The following DCHS2 variants were observed in gnomAD, a reference collection of about 807,000 sequenced individuals.
DCHS2 encodes the protein dachsous cadherin-related 2, also known as protocadherin-23.
DCHS2 carries 142 observed loss-of-function variants against 182.4 expected under a neutral mutation model. That is an observed-to-expected ratio of 0.78 (90% confidence interval 0.68 to 0.89). The LOEUF (loss-of-function observed/expected upper bound fraction) is 0.89, where lower values mean the gene tolerates loss of function less well. Among genes scored for constraint, DCHS2 ranks in the 40% least tolerant of loss-of-function variants. The pLI is 0.00. For synonymous variants in DCHS2, 1,740 were observed against 1,663.3 expected (o/e 1.05, Z -1.12); for missense variants, 4,319 against 4,198.6 (o/e 1.03, Z -0.79).
At chr4:154,305,022 T>C in intron 11 of DCHS2, 75 bp downstream of exon 11, 25 of 1,507,638 alleles carry the variant, frequency 1.7e-5, no homozygotes, top group Non-Finnish European at 2.2e-5. Flanking sequence ...AAATATAACA[T>C]TTCACCACTT....
intron 1 of DCHS2, among the ~76,000 whole-genome samples, chr4:154,474,105 T>C (rs1407223326): frequency 6.6e-6 from 1 of 152,190 alleles, no homozygotes; most frequent in African/African-American, 2.4e-5. Context: ...TCTTGCTTTA[T>C]GGCAGTGTAA....
rs1422693185 is a variant in DCHS2, at chr4:154,491,074, C to T, written c.282G>A (p.Gln94=). 1 of 1,551,302 alleles carries T rather than the reference C, an allele frequency of 6.4e-7. No homozygotes were observed. Among genetic ancestry groups the T allele is most frequent in the Non-Finnish European group, 8.7e-7 (1 of 1,146,942 alleles). Residue 94 remains glutamine, a synonymous_variant, in exon 1 of 20, where the codon CAG becomes CAA. Transcript: ENST00000357232. ...GAAAGAAGCCGCTCCCCTCCTGCTG[C>T]TGCGCGGCCGGCAGCCCGGCGCGGA... ...GDIRAGLPAA[Q]QQEGSGFFLS...
chr4:154,363,327 A>G (rs1265001013), intron 3 of DCHS2, among the ~76,000 whole-genome samples: 1 of 152,220 alleles, frequency 6.6e-6, no homozygotes, highest in Non-Finnish European at 1.5e-5. Context: ...GTCCATCCAT[A>G]GATAAATGGA....
rs559313080 is a variant in DCHS2, at chr4:154,465,965, TCAGA to T, written c.2052+23335_2052+23338del. On this transcript the variant is annotated intron_variant, in intron 1 of 19. Coordinates refer to ENST00000357232, the MANE Select transcript of DCHS2 (RefSeq NM_001358235.2). ...AGCTTCAGATATTAAAGCTGCATTG[TCAGA>T]CAGAGGCTTTAAAAGCTGTATATTT... Among the ~76,000 whole-genome samples, 14 of 152,324 alleles carry T rather than the reference TCAGA, an allele frequency of 9.2e-5. No individual in the cohort carries two copies. In the South Asian group the frequency reaches 2.3e-3, roughly 25 times the overall value.
At chr4:154,367,504 G>A (rs746756841) in intron 2 of DCHS2, among the ~76,000 whole-genome samples, 2 of 152,014 alleles carry the variant, frequency 1.3e-5, no homozygotes, top group Non-Finnish European at 2.9e-5. Context: ...TTTTGGTGTT[G>A]CCTCCATCTA....
At chr4:154,382,942 G>A (rs567162569) in intron 1 of DCHS2, among the ~76,000 whole-genome samples, 1 of 152,130 alleles carries the variant, frequency 6.6e-6, no homozygotes, top group Admixed American at 6.5e-5. Flanking sequence ...GAAGGATGGA[G>A]ATTTATTAAA....
At chr4:154,448,139 C>T (rs1334970000) in intron 1 of DCHS2, among the ~76,000 whole-genome samples, 2 of 152,178 alleles carry the variant, frequency 1.3e-5, no homozygotes, top group African/African-American at 4.8e-5. Flanking sequence ...TCTTCCATGG[C>T]TCTTCTGGTT....
chr4:154,477,291 T>C (rs765768959), intron 1 of DCHS2, among the ~76,000 whole-genome samples: 2 of 152,094 alleles, frequency 1.3e-5, no homozygotes, highest in African/African-American at 4.8e-5. Flanking sequence ...ATCATGCAGA[T>C]GCAACCCTCA....
In DCHS2 at chr4:154,442,534, C is replaced by A. The variant is rs1445540450; in HGVS notation, c.2052+46770G>T. ...GCTGTCACTGAAAAGTGGACACCCC[C>A]CCCCCCCCACACACACACACACACA... On this transcript the variant is annotated intron_variant, in intron 1 of 19. Transcript: ENST00000357232. Among the ~76,000 whole-genome samples the A allele has an allele frequency of 1.5e-4, 11 of 74,728 alleles. 1 individual carries two copies. Among genetic ancestry groups the A allele is most frequent in the East Asian group, 4.3e-4 (1 of 2,342 alleles). The allele number at this position is 74,728 out of a possible 152,430, so 49.0% of individuals were successfully genotyped here.
At chr4:154,479,813 C>G (rs182534910) in intron 1 of DCHS2, among the ~76,000 whole-genome samples, 1 of 152,128 alleles carries the variant, frequency 6.6e-6, no homozygotes, top group South Asian at 2.1e-4. Flanking sequence ...TCCCTGTCAC[C>G]TCTCTTCTTT....
chr4:154,346,643 G>C (rs780943324), intron 3 of DCHS2, among the ~76,000 whole-genome samples: 2 of 151,856 alleles, frequency 1.3e-5, no homozygotes, highest in African/African-American at 4.9e-5. Context: ...GCTTAAAGTC[G>C]AATTCCTGGA....
At position 154,329,695 on chromosome 4, in the gene DCHS2, CA is replaced by C; in HGVS notation, c.3745del (p.Trp1249GlyfsTer14). 1 of 1,611,848 alleles carries C rather than the reference CA, an allele frequency of 6.2e-7. No individual in the cohort carries two copies. The highest frequency in any genetic ancestry group is 8.5e-7 in the Non-Finnish European group (1 of 1,179,770). Reference protein sequence around the residue: ...MNPNTGELINWVALDREHRGH... With the variant: ...MNPNTGELINXVALDREHRGH... ...CCGGTGCTCACGATCCAGTGCCACC[CA>C]ATTGATTAACTCTCCTGCAGAGTAC... On this transcript the variant is annotated frameshift_variant, in exon 6 of 20. Coordinates refer to ENST00000357232, the MANE Select transcript of DCHS2 (RefSeq NM_001358235.2). LOFTEE classifies it high-confidence loss of function.
In DCHS2 at chr4:154,315,945, G is replaced by T; in HGVS notation, c.5063C>A (p.Thr1688Asn). Residue 1688 changes from threonine (T) to asparagine (N), a missense_variant, in exon 10 of 20, where the codon ACT becomes AAT. By Grantham distance (65) the Thr-to-Asn change is moderately conservative (BLOSUM62 0). Coordinates refer to ENST00000357232, the MANE Select transcript of DCHS2 (RefSeq NM_001358235.2). ...TGCCAGAACAGTCAGAATATGCTGA[G>T]TTTTCATTTCATAATCCAAAGGACA... ...TTCPLDYEMK[T>N]QHILTVLALD... 6.2e-7 allele frequency: 1 copy of T among 1,614,000 alleles called. No individual in the cohort carries two copies. The highest frequency in any genetic ancestry group is 8.5e-7 in the Non-Finnish European group (1 of 1,179,970).
At chr4:154,387,549 T>C (rs1199370018) in intron 1 of DCHS2, among the ~76,000 whole-genome samples, 2 of 152,142 alleles carry the variant, frequency 1.3e-5, no homozygotes, top group Non-Finnish European at 2.9e-5. Context: ...TACACCAATA[T>C]GTTAAATGTA....
At chr4:154,292,615 A>G (rs1734718861) in intron 13 of DCHS2, among the ~76,000 whole-genome samples, 1 of 152,172 alleles carries the variant, frequency 6.6e-6, no homozygotes, top group Non-Finnish European at 1.5e-5. Context: ...TTTTAGTGCC[A>G]TTCCTTTATT....
chr4:154,298,322 C>T lies in DCHS2; in HGVS notation c.5992G>A (p.Glu1998Lys), dbSNP rs1308153547. The change falls in exon 13 of 20, where the codon GAA becomes AAA. Residue 1998 changes from glutamate (E) to lysine (K), a missense_variant. Glu to Lys is a moderately conservative substitution (Grantham distance 56, BLOSUM62 1). Transcript: ENST00000357232. Reference protein sequence around the residue: ...TLKTSNTLDREARSQHTFSAV... With the variant: ...TLKTSNTLDRKARSQHTFSAV... ...CTAAATGTATGCTGAGATCTGGCTTCACGGTCGAGGGTGTTGCTGGTTTTC... is the reference window on the plus strand; with the variant it reads ...CTAAATGTATGCTGAGATCTGGCTTTACGGTCGAGGGTGTTGCTGGTTTTC... The T allele has an allele frequency of 1.2e-6, 2 of 1,614,054 alleles. No individual in the cohort carries two copies. The highest frequency in any genetic ancestry group is 1.3e-5 in the African/African-American group (1 of 74,938).
intron 1 of DCHS2, among the ~76,000 whole-genome samples, chr4:154,481,069 G>A (rs1170397013): frequency 1.3e-5 from 2 of 151,978 alleles, no homozygotes; most frequent in African/African-American, 2.4e-5. Context: ...GTCCCTTTTT[G>A]TTGGTAAATT....
At chr4:154,336,836 T>C (rs1728835617) in intron 3 of DCHS2, among the ~76,000 whole-genome samples, 2 of 152,200 alleles carry the variant, frequency 1.3e-5, no homozygotes, top group South Asian at 4.1e-4. Context: ...CCTTATCTAA[T>C]ATGATTTTAA....
At chr4:154,329,335 C>T (rs574399877) in intron 6 of DCHS2, among the ~76,000 whole-genome samples, 188 bp downstream of exon 6, 1 of 152,214 alleles carries the variant, frequency 6.6e-6, no homozygotes, top group South Asian at 2.1e-4. Flanking sequence ...CCAAAGAGCA[C>T]ATATATTCAT....
Sources: gnomAD v4.1 joint callset for allele counts (sites outside exome capture counted in the v4.1 genomes callset) on GRCh38, gnomAD v4.1.1 for gene constraint, MANE v1.5 for transcripts, NCBI Gene and HGNC (gene_info 2026-07-23, HGNC 2026-07-21) for gene names.